Variants in CACNG5 observed in about 807,000 individuals in gnomAD.
CACNG5 encodes calcium voltage-gated channel auxiliary subunit gamma 5, also known as voltage-dependent calcium channel gamma-5 subunit.
In CACNG5, 18 loss-of-function variants were observed where a neutral mutation model predicts 24.8. The ratio of observed to expected loss-of-function variants is 0.73; its 90% CI spans 0.50 to 1.08. CACNG5 has a LOEUF of 1.08. Ranked by LOEUF, CACNG5 falls within the 50% of genes least tolerant of loss-of-function variation. CACNG5 has a pLI of 0.00. For missense variants in CACNG5, 349 were observed against 367.9 expected, an observed-to-expected ratio of 0.95 and a Z score of 0.42; for synonymous variants, 157 against 149.1, an observed-to-expected ratio of 1.05 and a Z score of -0.39.
chr17:66,857,988 G>C (rs963504235), intron 1 of CACNG5, among the ~76,000 whole-genome samples: 6 of 152,220 alleles, frequency 3.9e-5, no homozygotes, highest in Non-Finnish European at 8.8e-5. Context: ...TTGGGGTTGG[G>C]TTCTATCCAA....
chr17:66,871,659 G>A (rs1248650818), intron 1 of CACNG5, among the ~76,000 whole-genome samples: 1 of 152,092 alleles, frequency 6.6e-6, no homozygotes, highest in Non-Finnish European at 1.5e-5. Context: ...AGGTAATGGC[G>A]CCTGGGTAAT....
intron 1 of CACNG5, among the ~76,000 whole-genome samples, chr17:66,870,409 C>T (rs1304124475): frequency 6.6e-6 from 1 of 152,204 alleles, no homozygotes; most frequent in Non-Finnish European, 1.5e-5. Flanking sequence ...TGGTTTTCCC[C>T]TCAAAGGGAC....
At chr17:66,872,578 C>T (rs942949479) in intron 1 of CACNG5, among the ~76,000 whole-genome samples, 2 of 152,196 alleles carry the variant, frequency 1.3e-5, no homozygotes, top group Admixed American at 6.5e-5. Context: ...TAATTTTCTG[C>T]GCAATACAGA....
chr17:66,887,640 TC>T lies in CACNG5; in HGVS notation c.*2401del, dbSNP rs1355332228. 6.6e-6 allele frequency among the ~76,000 whole-genome samples: 1 copy of T among 152,184 alleles called. No individual in the cohort carries two copies. The stretch of plus-strand genomic sequence containing the variant: ...ACTTTTCTCTCTCTAGAACACTCTT[TC>T]TCTGTCACTGTGCCAGGCTTGTTTT... On this transcript the variant is annotated 3_prime_UTR_variant, in exon 6 of 6. Transcript: ENST00000533854.
intron 3 of CACNG5, among the ~76,000 whole-genome samples, chr17:66,880,115 A>C (rs558298739): frequency 5.9e-5 from 9 of 152,234 alleles, no homozygotes; most frequent in Non-Finnish European, 1.2e-4. Flanking sequence ...TATAAGTTGA[A>C]GAAAACAGAG....
In CACNG5 at chr17:66,885,578, C is replaced by T; in HGVS notation, c.*338C>T. The T allele has an allele frequency of 3.8e-6, 1 of 266,174 alleles. No individual in the cohort carries two copies. Among genetic ancestry groups the T allele is most frequent in the East Asian group, 7.3e-5 (1 of 13,628 alleles). 16.5% of individuals were successfully genotyped at this position (266,174 alleles called of 1,614,324 possible). ...TTCCCTTTGTATATTCTTCCTGCACCCCCCAACTTCATGGCCCTGGGCCAG... is the reference window on the plus strand; with the variant it reads ...TTCCCTTTGTATATTCTTCCTGCACTCCCCAACTTCATGGCCCTGGGCCAG... On this transcript the variant is annotated 3_prime_UTR_variant, in exon 6 of 6. Transcript: ENST00000533854.
intron 1 of CACNG5, among the ~76,000 whole-genome samples, chr17:66,866,671 C>T (rs533008303): frequency 6.6e-6 from 1 of 152,184 alleles, no homozygotes; most frequent in South Asian, 2.1e-4. Context: ...TCCCTGTGTC[C>T]ATGTGTTCTC....
At chr17:66,864,197 A>C (rs1359445514) in intron 1 of CACNG5, among the ~76,000 whole-genome samples, 1 of 152,240 alleles carries the variant, frequency 6.6e-6, no homozygotes, top group Non-Finnish European at 1.5e-5. Flanking sequence ...GCTGATTTGA[A>C]GATGAGTTTC....
intron 4 of CACNG5, among the ~76,000 whole-genome samples, chr17:66,882,086 C>T (rs1977166131): frequency 6.6e-6 from 1 of 151,944 alleles, no homozygotes; most frequent in African/African-American, 2.4e-5. Context: ...GGAGACTAGG[C>T]AAGAGGCTAT....
At chr17:66,835,501 AGAT>A (rs1336895782) in intron 1 of CACNG5, among the ~76,000 whole-genome samples, 2 of 151,938 alleles carry the variant, frequency 1.3e-5, no homozygotes, top group African/African-American at 2.4e-5. Context: ...GTATCGGGGG[AGAT>A]GATGACGCCC....
In CACNG5 at chr17:66,885,444, G is replaced by T. The variant is rs1248036935; in HGVS notation, c.*204G>T. 7 of 597,558 alleles carry T rather than the reference G, an allele frequency of 1.2e-5. No homozygotes were observed. The highest frequency in any genetic ancestry group is 2.0e-5 in the Non-Finnish European group (7 of 356,198). 37.0% of individuals were successfully genotyped at this position (597,558 alleles called of 1,614,324 possible). A position where few individuals can be genotyped will look rare whatever the true frequency, so the allele number is the denominator to read the frequency against. Reference sequence around the variant, plus strand: ...GGGTGTGGGAGTCTGGAGTCTGTGGGCAAGCTGATTGTCTGGGAACATGGG... The same window carrying T: ...GGGTGTGGGAGTCTGGAGTCTGTGGTCAAGCTGATTGTCTGGGAACATGGG... On this transcript the variant is annotated 3_prime_UTR_variant, in exon 6 of 6. Transcript: ENST00000533854.
intron 1 of CACNG5, among the ~76,000 whole-genome samples, chr17:66,839,433 C>T (rs976171262): frequency 6.6e-6 from 1 of 152,016 alleles, no homozygotes. Context: ...AATACATATG[C>T]TGTAGGAGTA....
chr17:66,882,159 G>A (rs1977168049), intron 4 of CACNG5, among the ~76,000 whole-genome samples: 1 of 152,036 alleles, frequency 6.6e-6, no homozygotes, highest in Non-Finnish European at 1.5e-5. Flanking sequence ...AAATGAGAGG[G>A]TTCAAGTGAC....
At chr17:66,840,346 G>A (rs1976549492) in intron 1 of CACNG5, among the ~76,000 whole-genome samples, 1 of 152,208 alleles carries the variant, frequency 6.6e-6, no homozygotes, top group East Asian at 1.9e-4. Flanking sequence ...TCCCAGAGCT[G>A]AGGAGGAGGT....
intron 1 of CACNG5, among the ~76,000 whole-genome samples, chr17:66,869,234 C>A (rs1224100563): frequency 6.6e-6 from 1 of 152,062 alleles, no homozygotes; most frequent in Admixed American, 6.6e-5. Flanking sequence ...CAGGTGTGTG[C>A]CATCACGCCA....
At position 66,885,494 on chromosome 17, in the gene CACNG5, A is replaced by C; in HGVS notation, c.*254A>C. ...GAGAAGCCCCGCCCATGTGAGTGCCAATCACAGCAGTGGCTCCAGGAAGCC... is the reference window on the plus strand; with the variant it reads ...GAGAAGCCCCGCCCATGTGAGTGCCCATCACAGCAGTGGCTCCAGGAAGCC... On this transcript the variant is annotated 3_prime_UTR_variant, in exon 6 of 6. Coordinates refer to ENST00000533854, the MANE Select transcript of CACNG5 (RefSeq NM_145811.3). 1 of 484,002 alleles carries C rather than the reference A, an allele frequency of 2.1e-6. No homozygotes were observed. 30.0% of individuals were successfully genotyped at this position (484,002 alleles called of 1,614,324 possible).
intron 4 of CACNG5, among the ~76,000 whole-genome samples, chr17:66,881,379 G>A (rs1481061043): frequency 6.6e-6 from 1 of 152,116 alleles, no homozygotes; most frequent in Admixed American, 6.5e-5. Context: ...AACACAATCT[G>A]CCTTTGGAAT....
chr17:66,847,507 G>A (rs555581417), intron 1 of CACNG5, among the ~76,000 whole-genome samples: 18 of 152,140 alleles, frequency 1.2e-4, no homozygotes, highest in Non-Finnish European at 1.3e-4. Context: ...ATCAGATCTC[G>A]TGAGACTTAC....
At chr17:66,879,398 G>C (rs938528757) in intron 3 of CACNG5, among the ~76,000 whole-genome samples, 12 of 152,118 alleles carry the variant, frequency 7.9e-5, no homozygotes, top group African/African-American at 2.9e-4. Flanking sequence ...TAATCACCTG[G>C]AGTTAACAGA....
Sources: allele counts gnomAD v4.1 joint callset (sites outside exome capture counted in the v4.1 genomes callset), GRCh38; gene constraint gnomAD v4.1.1; transcripts MANE v1.5; gene names NCBI Gene and HGNC (gene_info 2026-07-23, HGNC 2026-07-21).